FHOD3: variants seen among roughly 807,000 people sequenced by gnomAD.
The protein encoded by FHOD3 is FH1/FH2 domain-containing protein 3.
Under a neutral mutation model 173.0 loss-of-function variants are expected in FHOD3, and 90 were observed. That is an observed-to-expected ratio of 0.52 (90% CI 0.44 to 0.62). FHOD3 has a LOEUF of 0.62. FHOD3 is among the 20% of genes least tolerant of loss of function. The probability of loss-of-function intolerance (pLI) is 0.00; values close to 1 mark genes in which losing one functional copy is unlikely to be tolerated. For missense variants in FHOD3, 1,945 were observed against 2,034.7 expected, an observed-to-expected ratio of 0.96 and a Z score of 0.85; for synonymous variants, 828 against 823.0, an observed-to-expected ratio of 1.01 and a Z score of -0.10.
intron 3 of FHOD3, among the ~76,000 whole-genome samples, chr18:36,382,707 A>C (rs2047851648): frequency 6.6e-6 from 1 of 152,178 alleles, no homozygotes; most frequent in Non-Finnish European, 1.5e-5. Flanking sequence ...CTTTCCAATG[A>C]ATCTATTCAA....
chr18:36,311,231 G>A (rs1568105841), intron 1 of FHOD3, among the ~76,000 whole-genome samples: 1 of 152,122 alleles, frequency 6.6e-6, no homozygotes, highest in Non-Finnish European at 1.5e-5. Context: ...GGGGACCCCT[G>A]CTGTTCATAG....
chr18:36,370,684 G>A (rs1006931262), intron 2 of FHOD3, among the ~76,000 whole-genome samples: 5 of 152,288 alleles, frequency 3.3e-5, no homozygotes, highest in Middle Eastern at 3.4e-3. Flanking sequence ...GGCATCTATA[G>A]CATGTTCTTT....
chr18:36,312,664 C>T lies in FHOD3; in HGVS notation c.165+14664C>T, dbSNP rs545951662. On this transcript the variant is annotated intron_variant, in intron 1 of 28. Coordinates refer to ENST00000590592, the MANE Select transcript of FHOD3 (RefSeq NM_001281740.3). ...GAGTCTACCTGCTTCTCCCTCTGGT[C>T]CATGTGTCATCCATGGCATATGGAA... Among the ~76,000 whole-genome samples, 5 of 152,270 alleles carry T rather than the reference C, an allele frequency of 3.3e-5. No homozygotes were observed. The South Asian group carries it at 1.0e-3, about 32-fold the overall frequency.
chr18:36,572,105 G>A (rs2058473621), intron 5 of FHOD3, among the ~76,000 whole-genome samples: 2 of 152,172 alleles, frequency 1.3e-5, no homozygotes, highest in African/African-American at 4.8e-5. Flanking sequence ...TGGTATAGCC[G>A]TGTCATTTTT....
At chr18:36,603,822 C>T (rs1057471981) in intron 8 of FHOD3, among the ~76,000 whole-genome samples, 1 of 152,098 alleles carries the variant, frequency 6.6e-6, no homozygotes, top group Admixed American at 6.6e-5. Context: ...TTTTTAAAAT[C>T]ATTTTTCCTT....
intron 11 of FHOD3, among the ~76,000 whole-genome samples, chr18:36,652,256 A>G (rs2096786989): frequency 6.6e-6 from 1 of 152,252 alleles, no homozygotes. Flanking sequence ...CGGGTGCAGA[A>G]GAGTCTTTGG....
At chr18:36,391,457 G>A (rs2048296123) in intron 3 of FHOD3, among the ~76,000 whole-genome samples, 1 of 152,098 alleles carries the variant, frequency 6.6e-6, no homozygotes, top group African/African-American at 2.4e-5. Flanking sequence ...ATGATAGGAG[G>A]GTCCTACAGG....
At chr18:36,751,355 T>C (rs1441927110) in intron 24 of FHOD3, among the ~76,000 whole-genome samples, 2 of 152,224 alleles carry the variant, frequency 1.3e-5, no homozygotes, top group Non-Finnish European at 2.9e-5. Context: ...GCTGAAGTTA[T>C]CAGCTGAAGG....
intron 17 of FHOD3, among the ~76,000 whole-genome samples, chr18:36,697,742 A>C (rs1379765103): frequency 6.6e-6 from 1 of 152,336 alleles, no homozygotes; most frequent in East Asian, 1.9e-4. Context: ...AGTATGGGTA[A>C]ATATGGCGAT....
intron 4 of FHOD3, among the ~76,000 whole-genome samples, chr18:36,509,384 G>A (rs1002691086): frequency 1.1e-4 from 16 of 140,806 alleles, no homozygotes; most frequent in African/African-American, 4.0e-4. Context: ...TTGAGATCGC[G>A]CCACTGCATT....
intron 26 of FHOD3, among the ~76,000 whole-genome samples, chr18:36,760,282 CA>C (rs2042814093): frequency 6.6e-6 from 1 of 152,160 alleles, no homozygotes. Context: ...GTAAGAAACA[CA>C]TTTGGTTTTA....
At chr18:36,317,522 T>C (rs905437335) in intron 1 of FHOD3, among the ~76,000 whole-genome samples, 1 of 152,256 alleles carries the variant, frequency 6.6e-6, no homozygotes, top group Non-Finnish European at 1.5e-5. Context: ...ATAAATGTCT[T>C]CTTCTGAGAA....
At chr18:36,455,730 G>A (rs1346767562) in intron 3 of FHOD3, among the ~76,000 whole-genome samples, 2 of 152,250 alleles carry the variant, frequency 1.3e-5, no homozygotes, top group East Asian at 3.9e-4. Context: ...ACCGTCATTG[G>A]AGCATACATT....
intron 20 of FHOD3, among the ~76,000 whole-genome samples, chr18:36,740,132 A>T (rs2150034847): frequency 6.6e-6 from 1 of 152,324 alleles, no homozygotes; most frequent in Middle Eastern, 3.4e-3. Context: ...AGAAGTAAAA[A>T]GGTATACTTT....
intron 3 of FHOD3, among the ~76,000 whole-genome samples, chr18:36,465,767 G>T (rs1330163543): frequency 6.6e-6 from 1 of 152,136 alleles, no homozygotes; most frequent in East Asian, 1.9e-4. Context: ...GAGGCTGTGT[G>T]TGGGCGTGGT....
intron 3 of FHOD3, among the ~76,000 whole-genome samples, chr18:36,480,895 T>G (rs2053845743): frequency 6.6e-6 from 1 of 151,984 alleles, no homozygotes; most frequent in Admixed American, 6.6e-5. Context: ...AGTTTTTCCC[T>G]TGCCTTGAGC....
chr18:36,330,140 A>G (rs1568130189), intron 1 of FHOD3, among the ~76,000 whole-genome samples: 2 of 152,288 alleles, frequency 1.3e-5, no homozygotes, highest in South Asian at 2.1e-4. Flanking sequence ...AAATTAACCA[A>G]CTTAACCAGA....
chr18:36,389,298 C>T (rs1434220019), intron 3 of FHOD3, among the ~76,000 whole-genome samples: 1 of 152,204 alleles, frequency 6.6e-6, no homozygotes, highest in African/African-American at 2.4e-5. Flanking sequence ...GACCCCAACA[C>T]TGAAGAACTC....
At chr18:36,578,383 G>A (rs2058732923) in intron 6 of FHOD3, among the ~76,000 whole-genome samples, 1 of 152,128 alleles carries the variant, frequency 6.6e-6, no homozygotes, top group Non-Finnish European at 1.5e-5. Context: ...AGAAAAGCAT[G>A]GGAAAAACCC....
Sources: allele counts gnomAD v4.1 joint callset (sites outside exome capture counted in the v4.1 genomes callset), GRCh38; gene constraint gnomAD v4.1.1; transcripts MANE v1.5; gene names NCBI Gene and HGNC (gene_info 2026-07-23, HGNC 2026-07-21).